SLC25A17: variants seen among roughly 807,000 people sequenced by gnomAD.
SLC25A17 encodes the protein peroxisomal membrane protein PMP34.
SLC25A17 carries 26 observed loss-of-function variants against 38.5 expected under a neutral mutation model. The observed-to-expected ratio is 0.68, with a 90% CI of 0.50 to 0.94. The LOEUF is 0.94. Ranked by LOEUF, SLC25A17 falls within the 40% of genes least tolerant of loss-of-function variation. The pLI is 0.00. For synonymous variants in SLC25A17, 139 were observed against 136.2 expected (o/e 1.02, Z -0.14); for missense variants, 333 against 372.7 (o/e 0.89, Z 0.88).
At position 40,770,769 on chromosome 22, in the gene SLC25A17, CTTCTCT is replaced by C; in HGVS notation, c.*59_*64del. On this transcript the variant is annotated 3_prime_UTR_variant, in exon 9 of 9. Coordinates refer to ENST00000435456, the MANE Select transcript of SLC25A17 (RefSeq NM_006358.4). The stretch of plus-strand genomic sequence containing the variant: ...AGGAGCCAGAGTCAAGGGAGAATCA[CTTCTCT>C]TCACTCAGGAGGAAACCTCCCTCTT... 6.7e-7 allele frequency: 1 copy of C among 1,494,670 alleles called. No homozygotes were observed. Among genetic ancestry groups the C allele is most frequent in the Non-Finnish European group, 9.1e-7 (1 of 1,102,764 alleles). The allele number at this position is 1,494,670 out of a possible 1,614,324, so 92.6% of individuals were successfully genotyped here.
chr22:40,781,249 C>CT (rs374161295), intron 4 of SLC25A17, among the ~76,000 whole-genome samples: 6,655 of 143,586 alleles, frequency 0.046, 200 homozygotes, highest in Non-Finnish European at 0.071. Context: ...TAAAAGGATT[C>CT]TTTTTTTTTT....
chr22:40,780,575 C>T (rs930861459), intron 4 of SLC25A17, among the ~76,000 whole-genome samples: 4 of 152,166 alleles, frequency 2.6e-5, no homozygotes, highest in African/African-American at 9.7e-5. Flanking sequence ...CAATGCAATG[C>T]ACACTTCACT....
chr22:40,801,122 ATATTACATAT>A (rs2057477286), intron 1 of SLC25A17, among the ~76,000 whole-genome samples: 1 of 100,712 alleles, frequency 9.9e-6, no homozygotes, highest in Admixed American at 1.4e-4. Flanking sequence ...AGAAAAAAAT[ATATTACATAT>A]ATATATATAT....
intron 1 of SLC25A17, among the ~76,000 whole-genome samples, chr22:40,812,033 TTCTCTC>T (rs372346560): frequency 1.1e-4 from 17 of 150,280 alleles, no homozygotes; most frequent in Admixed American, 5.3e-4. Context: ...CTCTTTTTCT[TTCTCTC>T]TCTCTCTCTC....
chr22:40,782,975 C>T (rs1301865654), intron 4 of SLC25A17, among the ~76,000 whole-genome samples: 6 of 152,100 alleles, frequency 3.9e-5, no homozygotes, highest in African/African-American at 1.2e-4. Context: ...AGAGCAACAA[C>T]GCTGTTCCTA....
chr22:40,797,193 T>C, intron 2 of SLC25A17: 1 of 588,266 alleles, frequency 1.7e-6, no homozygotes, highest in Non-Finnish European at 3.0e-6. Flanking sequence ...TTGAATCATG[T>C]AAAATTATTT....
At chr22:40,809,993 A>T (rs2057564854) in intron 1 of SLC25A17, among the ~76,000 whole-genome samples, 1 of 152,154 alleles carries the variant, frequency 6.6e-6, no homozygotes, top group Admixed American at 6.6e-5. Context: ...ATGATCATTT[A>T]TTAGGGTTTT....
intron 3 of SLC25A17, 113 bp from the exon 4 acceptor site, chr22:40,792,789 A>C: frequency 9.5e-7 from 1 of 1,049,356 alleles, no homozygotes; most frequent in South Asian, 1.6e-5. Flanking sequence ...TCACTCCTAC[A>C]CGAATACAAG....
At chr22:40,819,111 A>G in intron 1 of SLC25A17, 84 bp downstream of exon 1, 1 of 1,442,954 alleles carries the variant, frequency 6.9e-7, no homozygotes, top group Non-Finnish European at 9.7e-7. Context: ...TCCCTCTCAG[A>G]CCCATCCCTC....
chr22:40,801,429 C>T (rs118026), intron 1 of SLC25A17, among the ~76,000 whole-genome samples: 108,362 of 151,674 alleles, frequency 0.71, 39,852 homozygotes, highest in African/African-American at 0.87. Flanking sequence ...TTTGTGAGAG[C>T]ATTCTTTCTA....
intron 4 of SLC25A17, among the ~76,000 whole-genome samples, chr22:40,791,199 A>G (rs1047737443): frequency 1.3e-5 from 2 of 152,168 alleles, no homozygotes; most frequent in Admixed American, 1.3e-4. Context: ...GTGGTTCTTG[A>G]TGGCCAAGCA....
chr22:40,787,697 C>CT (rs554444789), intron 4 of SLC25A17, among the ~76,000 whole-genome samples: 14 of 148,120 alleles, frequency 9.5e-5, no homozygotes, highest in Non-Finnish European at 1.3e-4. Context: ...TTCTTTTCTT[C>CT]TTTTTTTTTT....
intron 8 of SLC25A17, among the ~76,000 whole-genome samples, chr22:40,772,517 A>G (rs1349235039): frequency 2.0e-5 from 3 of 151,974 alleles, no homozygotes; most frequent in Admixed American, 2.0e-4. Flanking sequence ...TGCCCAGGCC[A>G]GTATCAAACT....
chr22:40,819,328 C>A lies in SLC25A17; in HGVS notation c.-80G>T, dbSNP rs1032852172. 8 of 1,420,740 alleles carry A rather than the reference C, an allele frequency of 5.6e-6. No homozygotes were observed. The highest frequency in any genetic ancestry group is 5.4e-5 in the Admixed American group (3 of 55,394). The allele number at this position is 1,420,740 out of a possible 1,614,324, so 88.0% of individuals were successfully genotyped here. On this transcript the variant is annotated 5_prime_UTR_variant, in exon 1 of 9. Transcript: ENST00000435456. ...TGGAGTTAGGAAAGGAGCACCGGAG[C>A]TCAGGGTGTGAGAGTCGCAATCCCC...
chr22:40,773,341 C>T lies in SLC25A17; in HGVS notation c.776+596G>A, dbSNP rs144166991. Among the ~76,000 whole-genome samples, 1,027 of 138,572 alleles carry T rather than the reference C, an allele frequency of 7.4e-3. 11 individuals are homozygous for T. Among genetic ancestry groups the T allele is most frequent in the East Asian group, 0.025 (106 of 4,296 alleles). 90.9% of individuals were successfully genotyped at this position (138,572 alleles called of 152,430 possible). A position where few individuals can be genotyped will look rare whatever the true frequency, so the allele number is the denominator to read the frequency against. ...AGGAGAATGGTGTGAACCCAGGAGG[C>T]GGAGCTTGCCGTGAGCGGAGATAGC... On this transcript the variant is annotated intron_variant, in intron 8 of 8. Coordinates refer to ENST00000435456, the MANE Select transcript of SLC25A17 (RefSeq NM_006358.4).
At chr22:40,772,651 T>A (rs918379000) in intron 8 of SLC25A17, among the ~76,000 whole-genome samples, 4 of 152,090 alleles carry the variant, frequency 2.6e-5, no homozygotes, top group African/African-American at 7.2e-5. Context: ...TTTTTATTTT[T>A]TTTATACAAG....
chr22:40,786,127 G>A (rs1318000727), intron 4 of SLC25A17, among the ~76,000 whole-genome samples: 2 of 152,100 alleles, frequency 1.3e-5, no homozygotes, highest in African/African-American at 2.4e-5. Context: ...CCTGGCCAAC[G>A]TGGTGAAACT....
intron 2 of SLC25A17, among the ~76,000 whole-genome samples, chr22:40,796,992 GA>G (rs919414391): frequency 1.7e-4 from 26 of 151,728 alleles, no homozygotes; most frequent in East Asian, 3.9e-4. Context: ...AAAAGGGAGA[GA>G]AAAAAAAGTA....
At chr22:40,809,389 C>G (rs1039516737) in intron 1 of SLC25A17, among the ~76,000 whole-genome samples, 1 of 151,294 alleles carries the variant, frequency 6.6e-6, no homozygotes, top group Non-Finnish European at 1.5e-5. Context: ...CCGAGGTGGG[C>G]GGATTGCTTG....
Sources: gnomAD v4.1 joint callset for allele counts (sites outside exome capture counted in the v4.1 genomes callset) on GRCh38, gnomAD v4.1.1 for gene constraint, MANE v1.5 for transcripts, NCBI Gene and HGNC (gene_info 2026-07-23, HGNC 2026-07-21) for gene names.